Variants in CAMK2D observed in about 807,000 individuals in gnomAD.
CAMK2D encodes calcium/calmodulin dependent protein kinase II delta.
CAMK2D carries 37 observed loss-of-function variants against 84.0 expected under a neutral mutation model. The observed-to-expected ratio is 0.44, with a 90% CI of 0.34 to 0.58. The LOEUF is 0.58. CAMK2D is among the 20% of genes least tolerant of loss of function. The probability of loss-of-function intolerance (pLI) is 0.02; values close to 1 mark genes in which losing one functional copy is unlikely to be tolerated. For synonymous variants in CAMK2D, 202 were observed against 212.5 expected (o/e 0.95, Z 0.43); for missense variants, 448 against 652.5 (o/e 0.69, Z 3.41).
chr4:113,493,436 A>G (rs970385008), intron 16 of CAMK2D, among the ~76,000 whole-genome samples: 36 of 152,138 alleles, frequency 2.4e-4, no homozygotes, highest in African/African-American at 8.7e-4. Flanking sequence ...TTCTGGGTTG[A>G]AAATTCTTTT....
chr4:113,660,830 T>C (rs2099227350), intron 3 of CAMK2D, among the ~76,000 whole-genome samples: 1 of 147,762 alleles, frequency 6.8e-6, no homozygotes, highest in African/African-American at 2.5e-5. Context: ...AGTCTCGCTC[T>C]CTCGTCCCAG....
In CAMK2D at chr4:113,597,008, C is replaced by A. The variant is rs560408966; in HGVS notation, c.275+12144G>T. ...TAATTTGTTGTATTTTTAGTAGAGA[C>A]GGGGTTTCACCGTGTTAGCCAGGAT... On this transcript the variant is annotated intron_variant, in intron 4 of 20. Coordinates refer to ENST00000511664, the MANE Select transcript of CAMK2D (RefSeq NM_001321571.2). 3.9e-5 allele frequency among the ~76,000 whole-genome samples: 6 copies of A among 152,088 alleles called. No homozygotes were observed. The East Asian group carries it at 5.8e-4, about 15-fold the overall frequency.
chr4:113,684,304 G>A (rs138220955), intron 2 of CAMK2D, among the ~76,000 whole-genome samples: 11 of 152,110 alleles, frequency 7.2e-5, no homozygotes, highest in East Asian at 5.8e-4. Flanking sequence ...AAATTAACAC[G>A]TCATACAAAA....
intron 13 of CAMK2D, among the ~76,000 whole-genome samples, chr4:113,506,201 G>T (rs375662216): frequency 1.3e-5 from 2 of 152,082 alleles, no homozygotes; most frequent in South Asian, 2.1e-4. Flanking sequence ...GTCTATATCT[G>T]ATAACTATAT....
Position 113,455,766 on chromosome 4 carries a change from G to T in CAMK2D, c.1591C>A (p.Gln531Lys), listed in dbSNP as rs757014510. ...ATGGTTTTCAGGCCTTAGATGTTTT[G>T]CCACAAAGAGGTGCCTCCTGAGAAG... is the stretch of plus-strand genomic sequence containing the variant. Reference protein sequence around the residue: ...ENFSGGTSLWQNI With the variant: ...ENFSGGTSLWKNI The change falls in exon 20 of 21, where the codon CAA becomes AAA. Residue 531 changes from glutamine (Q) to lysine (K), a missense_variant. Physicochemically the swap from Gln to Lys is moderately conservative, Grantham distance 53 (BLOSUM62 1). This residue lies in a region of CAMK2D where 219 missense variants were observed against 272.1 expected (regional missense o/e 0.80). Transcript: ENST00000511664. The T allele has an allele frequency of 6.2e-7, 1 of 1,612,032 alleles. No individual in the cohort carries two copies. Among genetic ancestry groups the T allele is most frequent in the Admixed American group, 1.7e-5 (1 of 59,948 alleles).
chr4:113,464,582 G>A (rs575043252), intron 17 of CAMK2D, among the ~76,000 whole-genome samples: 2 of 152,306 alleles, frequency 1.3e-5, no homozygotes, highest in Admixed American at 1.3e-4. Context: ...TAAGGAGAAG[G>A]CCCTATTTAA....
At chr4:113,605,852 C>T (rs553785310) in intron 4 of CAMK2D, among the ~76,000 whole-genome samples, 2 of 152,152 alleles carry the variant, frequency 1.3e-5, no homozygotes, top group Admixed American at 1.3e-4. Flanking sequence ...AGAAGGCCTG[C>T]TAAAGAACAG....
At chr4:113,537,185 A>G (rs996245282) in intron 7 of CAMK2D, among the ~76,000 whole-genome samples, 156 bp downstream of exon 7, 1 of 145,028 alleles carries the variant, frequency 6.9e-6, no homozygotes, top group Non-Finnish European at 1.5e-5. Context: ...TTATGTCAAC[A>G]AAATTAAATG....
chr4:113,587,688 C>T lies in CAMK2D; in HGVS notation c.275+21464G>A, dbSNP rs185938088. On this transcript the variant is annotated intron_variant, in intron 4 of 20. Transcript: ENST00000511664. ...CTAAGTGTATATGGAAAGTGTTCTT[C>T]CTTCTCCAGACTATTAGTAACAGTC... Among the ~76,000 whole-genome samples the T allele has an allele frequency of 1.9e-3, 282 of 152,220 alleles. 2 individuals carry two copies. The highest frequency in any genetic ancestry group is 3.4e-3 in the Middle Eastern group (1 of 294).
At chr4:113,739,029 T>C (rs1241854739) in intron 2 of CAMK2D, among the ~76,000 whole-genome samples, 2 of 152,190 alleles carry the variant, frequency 1.3e-5, no homozygotes, top group African/African-American at 4.8e-5. Context: ...TTCCATTCCT[T>C]ACTGTTCATA....
intron 13 of CAMK2D, 91 bp downstream of exon 13, chr4:113,509,547 A>G (rs2098181018): frequency 2.5e-6 from 2 of 802,398 alleles, no homozygotes; most frequent in Non-Finnish European, 4.2e-6. Flanking sequence ...AAAAAATAGA[A>G]CTTGCAAAGA....
At chr4:113,610,148 TC>T (rs2098994155) in intron 3 of CAMK2D, among the ~76,000 whole-genome samples, 1 of 152,100 alleles carries the variant, frequency 6.6e-6, no homozygotes, top group South Asian at 2.1e-4. Context: ...GATTATTTTG[TC>T]CCCCAGGTAC....
intron 4 of CAMK2D, among the ~76,000 whole-genome samples, chr4:113,576,605 C>G (rs187577388): frequency 1.6e-4 from 24 of 151,850 alleles, no homozygotes; most frequent in Non-Finnish European, 3.1e-4. Context: ...GATTATTAAT[C>G]TTAATTTACT....
intron 16 of CAMK2D, among the ~76,000 whole-genome samples, chr4:113,467,001 G>A (rs2097481617): frequency 6.6e-6 from 1 of 152,042 alleles, no homozygotes; most frequent in African/African-American, 2.4e-5. Flanking sequence ...TGTCTTTTAT[G>A]GAATAGATGC....
At chr4:113,490,619 G>T (rs910539013) in intron 16 of CAMK2D, among the ~76,000 whole-genome samples, 2 of 151,506 alleles carry the variant, frequency 1.3e-5, no homozygotes, top group Non-Finnish European at 2.9e-5. Context: ...CTGACTTGGC[G>T]ATGCGGGCTC....
chr4:113,593,233 C>T (rs2098901835), intron 4 of CAMK2D, among the ~76,000 whole-genome samples: 1 of 152,188 alleles, frequency 6.6e-6, no homozygotes, highest in Admixed American at 6.5e-5. Context: ...AAGTCCATCA[C>T]TCTGTAATTA....
At chr4:113,487,495 CAT>C (rs1165341813) in intron 16 of CAMK2D, among the ~76,000 whole-genome samples, 1 of 151,874 alleles carries the variant, frequency 6.6e-6, no homozygotes, top group African/African-American at 2.4e-5. Flanking sequence ...TTAAGAAAAA[CAT>C]AGCAAATAAT....
chr4:113,550,820 A>G (rs2098622088), intron 5 of CAMK2D, among the ~76,000 whole-genome samples: 1 of 152,228 alleles, frequency 6.6e-6, no homozygotes, highest in Non-Finnish European at 1.5e-5. Context: ...TAAATTACAC[A>G]GAATTTTCTA....
At chr4:113,456,686 AT>A (rs536158638) in intron 19 of CAMK2D, 1 of 152,394 alleles carries the variant, frequency 6.6e-6, no homozygotes. Flanking sequence ...TTATTATATC[AT>A]TTTTTTCTTT....
Sources: gnomAD v4.1 joint callset for allele counts (sites outside exome capture counted in the v4.1 genomes callset) on GRCh38, gnomAD v4.1.1 for gene constraint, gnomAD v4.1.1 regional missense constraint, MANE v1.5 for transcripts, NCBI Gene and HGNC (gene_info 2026-07-23, HGNC 2026-07-21) for gene names.